The following PIBF1 variants were observed in gnomAD, a reference collection of about 807,000 sequenced individuals.
The protein encoded by PIBF1 is progesterone immunomodulatory binding factor 1, also known as progesterone-induced-blocking factor 1.
Under a neutral mutation model 112.5 loss-of-function variants are expected in PIBF1, and 90 were observed. The observed-to-expected ratio is 0.80, with a 90% CI of 0.67 to 0.95. The LOEUF is 0.95. Ranked by LOEUF, PIBF1 falls within the 40% of genes least tolerant of loss-of-function variation. The pLI is 0.00. For missense variants in PIBF1, 915 were observed against 852.3 expected, an observed-to-expected ratio of 1.07 and a Z score of -0.92; for synonymous variants, 301 against 288.6, an observed-to-expected ratio of 1.04 and a Z score of -0.44.
At chr13:72,977,901 T>C (rs1012323535) in intron 16 of PIBF1, among the ~76,000 whole-genome samples, 3 of 152,196 alleles carry the variant, frequency 2.0e-5, no homozygotes, top group African/African-American at 4.8e-5. Context: ...CAGAATGATA[T>C]AACGTGAAGA....
intron 10 of PIBF1, among the ~76,000 whole-genome samples, chr13:72,859,236 A>C (rs1453451303): frequency 2.0e-5 from 3 of 152,152 alleles, no homozygotes; most frequent in Non-Finnish European, 2.9e-5. Context: ...TCTAAAAATA[A>C]AGAAGACTAC....
intron 17 of PIBF1, among the ~76,000 whole-genome samples, chr13:73,005,976 A>G (rs1370718753): frequency 7.4e-5 from 11 of 148,104 alleles, no homozygotes; most frequent in East Asian, 4.0e-4. Context: ...CTGGAGTGCA[A>G]TGGTGCAAAC....
chr13:72,790,453 ACACACACACACTTATAGATAGAT>A (rs1566271561), intron 2 of PIBF1, among the ~76,000 whole-genome samples: 1 of 150,066 alleles, frequency 6.7e-6, no homozygotes, highest in Non-Finnish European at 1.5e-5. Flanking sequence ...ACACACACAC[ACACACACACACTTATAGATAGAT>A]CACACACACC....
intron 14 of PIBF1, among the ~76,000 whole-genome samples, chr13:72,954,286 G>A (rs1451618054): frequency 1.3e-5 from 2 of 152,222 alleles, no homozygotes; most frequent in Non-Finnish European, 2.9e-5. Flanking sequence ...CTTCCTGCCA[G>A]CGATAGAAAC....
chr13:72,791,973 G>T (rs947636459), intron 2 of PIBF1, among the ~76,000 whole-genome samples: 1 of 151,616 alleles, frequency 6.6e-6, no homozygotes, highest in East Asian at 2.0e-4. Context: ...AGGTAAGATA[G>T]AGGAATATAA....
chr13:72,849,239 A>G (rs2038018851), intron 9 of PIBF1, among the ~76,000 whole-genome samples: 1 of 152,224 alleles, frequency 6.6e-6, no homozygotes, highest in African/African-American at 2.4e-5. Flanking sequence ...ACTTTATACA[A>G]GTATTTTAAG....
At chr13:72,942,322 A>G (rs1403337824) in intron 14 of PIBF1, among the ~76,000 whole-genome samples, 1 of 150,144 alleles carries the variant, frequency 6.7e-6, no homozygotes, top group East Asian at 2.0e-4. Context: ...AGAGTGGAGG[A>G]TGCTGCTGAT....
intron 9 of PIBF1, 75 bp from the exon 10 acceptor site, chr13:72,853,982 A>AGAC: frequency 9.0e-7 from 1 of 1,109,950 alleles, no homozygotes; most frequent in South Asian, 1.3e-5. Flanking sequence ...TAAGATTGTC[A>AGAC]GATAGTCCAT....
At chr13:72,845,963 A>G (rs542948795) in intron 9 of PIBF1, among the ~76,000 whole-genome samples, 1 of 152,278 alleles carries the variant, frequency 6.6e-6, no homozygotes, top group South Asian at 2.1e-4. Flanking sequence ...GCAGTATGTA[A>G]CACAGTTGAT....
At chr13:72,920,800 C>CA (rs1437259253) in intron 13 of PIBF1, among the ~76,000 whole-genome samples, 6 of 148,636 alleles carry the variant, frequency 4.0e-5, no homozygotes, top group Non-Finnish European at 8.9e-5. Context: ...TCCCATCTCT[C>CA]AAAAAAAGAA....
intron 8 of PIBF1, among the ~76,000 whole-genome samples, chr13:72,830,117 A>G (rs1593997532): frequency 6.6e-6 from 1 of 152,162 alleles, no homozygotes; most frequent in Non-Finnish European, 1.5e-5. Context: ...ATTTTTGCAC[A>G]TCAATTTTGT....
intron 13 of PIBF1, among the ~76,000 whole-genome samples, chr13:72,923,095 A>G (rs898525054): frequency 6.6e-6 from 1 of 152,188 alleles, no homozygotes; most frequent in Non-Finnish European, 1.5e-5. Context: ...AATAACTAAT[A>G]TAGCTAATAA....
Position 72,821,983 on chromosome 13 carries a change from G to A in PIBF1, c.806+1G>A, listed in dbSNP as rs1172937730. On this transcript the variant is annotated splice_donor_variant, in intron 6 of 17. Transcript: ENST00000326291. LOFTEE classifies it high-confidence loss of function. ...AAGAGAACTATGATAAAGTCAAGAGGTAAGTAGTTAAAATGGCTGCAGTAG... is the reference window on the plus strand; with the variant it reads ...AAGAGAACTATGATAAAGTCAAGAGATAAGTAGTTAAAATGGCTGCAGTAG... 3.1e-6 allele frequency: 5 copies of A among 1,605,662 alleles called. No individual in the cohort carries two copies. The highest frequency in any genetic ancestry group is 2.7e-5 in the African/African-American group (2 of 74,504).
At chr13:72,920,308 G>C (rs911971372) in intron 13 of PIBF1, among the ~76,000 whole-genome samples, 1 of 152,176 alleles carries the variant, frequency 6.6e-6, no homozygotes, top group African/African-American at 2.4e-5. Flanking sequence ...GAGCCAGAGG[G>C]TTATTTTGAG....
intron 17 of PIBF1, among the ~76,000 whole-genome samples, chr13:73,009,262 C>A (rs2044126560): frequency 1.3e-5 from 2 of 152,196 alleles, no homozygotes; most frequent in African/African-American, 2.4e-5. Flanking sequence ...CCACACCTAG[C>A]AGCAAGGAAG....
At chr13:72,882,259 C>T (rs2039673361) in intron 10 of PIBF1, among the ~76,000 whole-genome samples, 1 of 152,118 alleles carries the variant, frequency 6.6e-6, no homozygotes, top group Admixed American at 6.5e-5. Context: ...TAAAATTAGA[C>T]CCCTATCTCT....
rs369990873 is a variant in PIBF1 at position 73,015,947 on chromosome 13, C to T, written c.*28C>T. The T allele has an allele frequency of 2.1e-6, 3 of 1,440,350 alleles. No individual in the cohort carries two copies. In the African/African-American group the frequency reaches 4.3e-5, roughly 21 times the overall value. 89.2% of individuals were successfully genotyped at this position (1,440,350 alleles called of 1,614,324 possible). On this transcript the variant is annotated 3_prime_UTR_variant, in exon 18 of 18. Coordinates refer to ENST00000326291, the MANE Select transcript of PIBF1 (RefSeq NM_006346.4). Reference sequence around the variant, plus strand: ...TTTTGGATGGGAAGCACCTGTAGACCATTATATACTCCTGAAGTTCTTTTT... The same window carrying T: ...TTTTGGATGGGAAGCACCTGTAGACTATTATATACTCCTGAAGTTCTTTTT...
In PIBF1 at chr13:72,818,678, C is replaced by CTTTTTT. The variant is rs3077726; in HGVS notation, c.673-3154_673-3149dup. Among the ~76,000 whole-genome samples, 159 of 80,396 alleles carry CTTTTTT rather than the reference C, an allele frequency of 2.0e-3. 17 individuals carry two copies. The highest frequency in any genetic ancestry group is 4.8e-3 in the African/African-American group (95 of 19,794). 52.7% of individuals were successfully genotyped at this position (80,396 alleles called of 152,430 possible). On this transcript the variant is annotated intron_variant, in intron 5 of 17. Transcript: ENST00000326291. ...TTGCCACCATGTTATCAGTCTTAAA[C>CTTTTTT]TTTTTTTTTTTTTTTTTTTTTTGCC...
chr13:72,917,994 C>G (rs1029538465), intron 13 of PIBF1, among the ~76,000 whole-genome samples: 1 of 152,142 alleles, frequency 6.6e-6, no homozygotes, highest in African/African-American at 2.4e-5. Context: ...CCCGTGGATA[C>G]CAACAGACAA....
Sources: gnomAD v4.1 joint callset for allele counts (sites outside exome capture counted in the v4.1 genomes callset) on GRCh38, gnomAD v4.1.1 for gene constraint, MANE v1.5 for transcripts, NCBI Gene and HGNC (gene_info 2026-07-23, HGNC 2026-07-21) for gene names.